Variants in ARMC3 observed in about 807,000 individuals in gnomAD.
ARMC3 encodes the protein armadillo repeat containing 3, also known as armadillo repeat-containing protein 3.
A neutral mutation model predicts 90.3 loss-of-function variants in ARMC3; 74 were observed. The ratio of observed to expected loss-of-function variants is 0.82; its 90% CI spans 0.68 to 0.99. ARMC3 has a LOEUF of 0.99. ARMC3 is among the 50% of genes least tolerant of loss of function. The pLI, the probability that ARMC3 is intolerant of heterozygous loss-of-function variation, is 0.00. For synonymous variants in ARMC3, 334 were observed against 361.8 expected, an observed-to-expected ratio of 0.92 and a Z score of 0.87; for missense variants, 958 against 1,042.8, an observed-to-expected ratio of 0.92 and a Z score of 1.12.
In ARMC3 at chr10:23,008,318, T is replaced by C; in HGVS notation, c.1872T>C (p.Tyr624=). 4 of 1,559,468 alleles carry C rather than the reference T, an allele frequency of 2.6e-6. No individual in the cohort carries two copies. The highest frequency in any genetic ancestry group is 2.6e-6 in the Non-Finnish European group (3 of 1,142,902). The stretch of plus-strand genomic sequence containing the variant: ...TGGAAGATAAATCAGATGTTGGTTA[T>C]GGACGAAGTATTTCTTCTTCATCTT... ...SSMEDKSDVG[Y]GRSISSSSSL... The change falls in exon 15 of 19, where the codon TAT becomes TAC. Residue 624 remains tyrosine, a synonymous_variant. Coordinates refer to ENST00000298032, the MANE Select transcript of ARMC3 (RefSeq NM_173081.5).
intron 8 of ARMC3, among the ~76,000 whole-genome samples, 163 bp downstream of exon 8, chr10:22,968,652 C>T (rs1453740996): frequency 6.6e-6 from 1 of 152,126 alleles, no homozygotes; most frequent in Non-Finnish European, 1.5e-5. Context: ...CAGGCATGCA[C>T]CACCATGCCT....
rs1334727004 is a variant in ARMC3 at position 22,968,325 on chromosome 10, T to C, written c.752T>C (p.Ile251Thr). 6.2e-7 allele frequency: 1 copy of C among 1,613,926 alleles called. No individual in the cohort carries two copies. The highest frequency in any genetic ancestry group is 8.5e-7 in the Non-Finnish European group (1 of 1,179,820). Residue 251 changes from isoleucine (I) to threonine (T), a missense_variant, in exon 8 of 19, where the codon ATA (isoleucine) becomes ACA (threonine). By Grantham distance (89) the Ile-to-Thr change is moderately conservative. Coordinates refer to ENST00000298032, the MANE Select transcript of ARMC3 (RefSeq NM_173081.5). ...LETKELNDLH[I>T]EALAVIANCL... ...TATTAGGAATTGAATGACCTTCATATAGAAGCACTTGCAGTGATAGCCAAT... is the reference window on the plus strand; with the variant it reads ...TATTAGGAATTGAATGACCTTCATACAGAAGCACTTGCAGTGATAGCCAAT...
chr10:22,965,520 T>C (rs550665405), intron 7 of ARMC3, among the ~76,000 whole-genome samples: 65 of 152,338 alleles, frequency 4.3e-4, no homozygotes, highest in African/African-American at 1.6e-3. Flanking sequence ...GGAAGTGATA[T>C]AATTATATAT....
intron 16 of ARMC3, among the ~76,000 whole-genome samples, chr10:23,013,344 T>C (rs1364191956): frequency 6.6e-6 from 1 of 152,230 alleles, no homozygotes; most frequent in Admixed American, 6.5e-5. Context: ...CTATTCATTC[T>C]TTATTTTCTT....
chr10:22,940,157 T>C (rs1164640785), intron 2 of ARMC3, among the ~76,000 whole-genome samples: 1 of 152,222 alleles, frequency 6.6e-6, no homozygotes, highest in African/African-American at 2.4e-5. Context: ...TACATTACAA[T>C]TGCAGGACAA....
intron 16 of ARMC3, among the ~76,000 whole-genome samples, chr10:23,011,600 G>A (rs1838015725): frequency 6.6e-6 from 1 of 152,152 alleles, no homozygotes; most frequent in Non-Finnish European, 1.5e-5. Context: ...CAACTGCAGG[G>A]CCTGCCCATC....
chr10:22,929,751 A>G (rs906304799), intron 1 of ARMC3, among the ~76,000 whole-genome samples: 1 of 152,124 alleles, frequency 6.6e-6, no homozygotes, highest in African/African-American at 2.4e-5. Flanking sequence ...GAGTTTTGCC[A>G]TGTTGTCCAG....
At chr10:22,965,944 C>T (rs1835420658) in intron 7 of ARMC3, among the ~76,000 whole-genome samples, 1 of 152,160 alleles carries the variant, frequency 6.6e-6, no homozygotes, top group Non-Finnish European at 1.5e-5. Context: ...AACACCTGTC[C>T]CTAACAGAGT....
In ARMC3 at chr10:23,000,356, C is replaced by T. The variant is rs541009139; in HGVS notation, c.1426-1563C>T. Among the ~76,000 whole-genome samples, 10 of 152,228 alleles carry T rather than the reference C, an allele frequency of 6.6e-5. No homozygotes were observed. The South Asian group carries it at 2.1e-3, about 32-fold the overall frequency. On this transcript the variant is annotated intron_variant, in intron 11 of 18. Coordinates refer to ENST00000298032, the MANE Select transcript of ARMC3 (RefSeq NM_173081.5). ...AAAATCCAGCTCTACCCTCCTGTCC[C>T]CCAGAAGGCCTTTACTTTAGTTTTC...
At chr10:22,939,198 C>G (rs1834224549) in intron 2 of ARMC3, among the ~76,000 whole-genome samples, 1 of 152,124 alleles carries the variant, frequency 6.6e-6, no homozygotes, top group South Asian at 2.1e-4. Context: ...AAAAGAGCTT[C>G]AAGAAATCAG....
rs1343280771 is a variant in ARMC3, at chr10:23,038,321, C to T, written c.*842C>T. ...TAAATTCACATTTCAAATGATAAGA[C>T]AAAAACTACTAATGTGGTTAATCTC... On this transcript the variant is annotated 3_prime_UTR_variant, in exon 19 of 19. Transcript: ENST00000298032. The T allele has an allele frequency of 6.6e-6, 1 of 152,070 alleles. No individual in the cohort carries two copies. Among genetic ancestry groups the T allele is most frequent in the African/African-American group, 2.4e-5 (1 of 41,414 alleles). The allele number at this position is 152,070 out of a possible 1,614,324, so 9.4% of individuals were successfully genotyped here. A position where few individuals can be genotyped will look rare whatever the true frequency, so the allele number is the denominator to read the frequency against.
intron 16 of ARMC3, among the ~76,000 whole-genome samples, chr10:23,013,090 G>C (rs1012140420): frequency 1.3e-5 from 2 of 151,970 alleles, no homozygotes; most frequent in African/African-American, 2.4e-5. Context: ...TTAGAGACGG[G>C]GTTTTGCCAT....
intron 16 of ARMC3, among the ~76,000 whole-genome samples, chr10:23,021,521 G>A (rs1838514607): frequency 6.6e-6 from 1 of 152,144 alleles, no homozygotes; most frequent in Non-Finnish European, 1.5e-5. Flanking sequence ...TCTAACTGGT[G>A]TGAGACGGTA....
At position 23,030,816 on chromosome 10, in the gene ARMC3, A is replaced by C; in HGVS notation, c.2246+20A>C. 4.4e-6 allele frequency: 7 copies of C among 1,603,622 alleles called. No individual in the cohort carries two copies. The highest frequency in any genetic ancestry group is 6.0e-6 in the Non-Finnish European group (7 of 1,175,236). ...GGCAAAGTAAGTTGTCTATGTATAT[A>C]TGTGTTTTTAATTTCTGAAAAAATT... On this transcript the variant is annotated intron_variant, in intron 17 of 18. Coordinates refer to ENST00000298032, the MANE Select transcript of ARMC3 (RefSeq NM_173081.5).
chr10:22,965,275 T>C (rs1564358578), intron 7 of ARMC3, among the ~76,000 whole-genome samples: 1 of 152,240 alleles, frequency 6.6e-6, no homozygotes, highest in Non-Finnish European at 1.5e-5. Context: ...TTTAAATTTA[T>C]CTGGAAGTTG....
intron 16 of ARMC3, among the ~76,000 whole-genome samples, chr10:23,021,132 A>G (rs944935240): frequency 6.6e-6 from 1 of 152,238 alleles, no homozygotes; most frequent in Non-Finnish European, 1.5e-5. Context: ...GCTGCTGGAA[A>G]GGACATGATT....
intron 16 of ARMC3, among the ~76,000 whole-genome samples, chr10:23,013,244 A>G (rs906467369): frequency 6.6e-6 from 1 of 152,108 alleles, no homozygotes; most frequent in Non-Finnish European, 1.5e-5. Context: ...GACTCTGCCT[A>G]AAACAAAGTT....
At chr10:22,983,324 G>A (rs554548503) in intron 10 of ARMC3, among the ~76,000 whole-genome samples, 9 of 152,184 alleles carry the variant, frequency 5.9e-5, no homozygotes, top group African/African-American at 1.9e-4. Context: ...AGTTCTAAAA[G>A]GGACTTCCTT....
intron 18 of ARMC3, 58 bp from the exon 19 acceptor site, chr10:23,037,212 G>T: frequency 7.0e-7 from 1 of 1,418,728 alleles, no homozygotes; most frequent in South Asian, 1.5e-5. Flanking sequence ...TTACAAATAG[G>T]ATATTCCCCA....
Sources: allele counts gnomAD v4.1 joint callset (sites outside exome capture counted in the v4.1 genomes callset), GRCh38; gene constraint gnomAD v4.1.1; transcripts MANE v1.5; gene names NCBI Gene and HGNC (gene_info 2026-07-23, HGNC 2026-07-21).